The following CADM1 variants were observed in gnomAD, a reference collection of about 807,000 sequenced individuals.
CADM1 encodes the protein cell adhesion molecule 1.
A neutral mutation model predicts 53.1 loss-of-function variants in CADM1; 15 were observed. The ratio of observed to expected loss-of-function variants is 0.28; its 90% CI spans 0.19 to 0.44. The LOEUF (loss-of-function observed/expected upper bound fraction) is 0.44, where lower values mean the gene tolerates loss of function less well. CADM1 is among the 20% of genes least tolerant of loss of function. The pLI is 1.00. For synonymous variants in CADM1, 281 were observed against 243.0 expected, an observed-to-expected ratio of 1.16 and a Z score of -1.45; for missense variants, 434 against 611.3, an observed-to-expected ratio of 0.71 and a Z score of 3.06.
intron 1 of CADM1, among the ~76,000 whole-genome samples, chr11:115,334,990 A>T (rs922466217): frequency 6.6e-6 from 1 of 152,102 alleles, no homozygotes; most frequent in African/African-American, 2.4e-5. Flanking sequence ...CTGAACTTAT[A>T]TCTTTCTCTT....
intron 10 of CADM1, among the ~76,000 whole-genome samples, chr11:115,184,899 T>C (rs1939473919): frequency 1.3e-5 from 2 of 152,172 alleles, no homozygotes; most frequent in African/African-American, 4.8e-5. Context: ...ACTGGCTACA[T>C]TGCTTTCCAG....
At chr11:115,268,834 G>A (rs997433158) in intron 1 of CADM1, among the ~76,000 whole-genome samples, 2 of 152,154 alleles carry the variant, frequency 1.3e-5, no homozygotes, top group Admixed American at 6.5e-5. Flanking sequence ...CTTGTACAGA[G>A]TACAAGGAAT....
chr11:115,302,993 C>T (rs1944271781), intron 1 of CADM1, among the ~76,000 whole-genome samples: 1 of 152,058 alleles, frequency 6.6e-6, no homozygotes, highest in South Asian at 2.1e-4. Context: ...TGCTGCTAGA[C>T]ATGAAAACAA....
chr11:115,238,609 A>G lies in CADM1; in HGVS notation c.315T>C (p.Ser105=). The G allele has an allele frequency of 6.2e-7, 1 of 1,613,830 alleles. No individual in the cohort carries two copies. The highest frequency in any genetic ancestry group is 1.1e-5 in the South Asian group (1 of 91,082). Residue 105 remains serine, a synonymous_variant, in exon 3 of 12, where the codon AGT becomes AGC. Transcript: ENST00000331581. ...SRFQLLNFSS[S]ELKVSLTNVS... ...CGTTTGTCAATGATACTTTGAGTTCACTGCTAGAAAAATTCAGCAACTGAA... is the reference window on the plus strand; with the variant it reads ...CGTTTGTCAATGATACTTTGAGTTCGCTGCTAGAAAAATTCAGCAACTGAA...
intron 1 of CADM1, among the ~76,000 whole-genome samples, chr11:115,271,887 T>C (rs1943309216): frequency 6.6e-6 from 1 of 152,206 alleles, no homozygotes; most frequent in South Asian, 2.1e-4. Flanking sequence ...CATCTTTAAT[T>C]AGTCTCAATA....
chr11:115,349,355 A>G (rs1402328008), intron 1 of CADM1, among the ~76,000 whole-genome samples: 1 of 152,214 alleles, frequency 6.6e-6, no homozygotes, highest in African/African-American at 2.4e-5. Context: ...TTATTACAGG[A>G]AAGTATTTCT....
intron 1 of CADM1, among the ~76,000 whole-genome samples, chr11:115,249,083 G>A (rs1387233615): frequency 2.0e-5 from 3 of 152,040 alleles, no homozygotes; most frequent in African/African-American, 7.2e-5. Flanking sequence ...CTCGTTTATG[G>A]CAAAAAAAGA....
chr11:115,284,033 C>T lies in CADM1; in HGVS notation c.125-43613G>A, dbSNP rs1318903603. Among the ~76,000 whole-genome samples the T allele has an allele frequency of 4.0e-5, 6 of 149,798 alleles. No homozygotes were observed. In the Admixed American group the frequency reaches 4.0e-4, roughly 10 times the overall value. ...GTAAAATTATTGAGGCTGAAAGTGGCGTTCCAGGCAGGGGGGCCTGTGAGA... is the reference window on the plus strand; with the variant it reads ...GTAAAATTATTGAGGCTGAAAGTGGTGTTCCAGGCAGGGGGGCCTGTGAGA... On this transcript the variant is annotated intron_variant, in intron 1 of 11. Coordinates refer to ENST00000331581, the MANE Select transcript of CADM1 (RefSeq NM_001301043.2).
intron 1 of CADM1, among the ~76,000 whole-genome samples, chr11:115,501,086 C>A (rs2135446657): frequency 6.6e-6 from 1 of 152,252 alleles, no homozygotes; most frequent in African/African-American, 2.4e-5. Context: ...TTGTTCATTT[C>A]AAAAGATTGC....
intron 1 of CADM1, among the ~76,000 whole-genome samples, chr11:115,391,487 C>A (rs1374967344): frequency 1.3e-5 from 2 of 151,952 alleles, no homozygotes; most frequent in Non-Finnish European, 2.9e-5. Context: ...GCAACAGAAT[C>A]AAATTCTAAA....
intron 1 of CADM1, among the ~76,000 whole-genome samples, chr11:115,341,812 A>G (rs753252463): frequency 6.6e-5 from 10 of 152,106 alleles, no homozygotes; most frequent in Non-Finnish European, 1.3e-4. Context: ...CTTCCCCTTA[A>G]CCTTCTGGAG....
At chr11:115,451,633 T>C (rs999654819) in intron 1 of CADM1, among the ~76,000 whole-genome samples, 2 of 152,226 alleles carry the variant, frequency 1.3e-5, no homozygotes, top group Admixed American at 1.3e-4. Context: ...ACAGGTATAG[T>C]GTAGTCATTG....
At chr11:115,230,070 G>A (rs1174505554) in intron 4 of CADM1, among the ~76,000 whole-genome samples, 6 of 152,122 alleles carry the variant, frequency 3.9e-5, no homozygotes, top group Admixed American at 3.9e-4. Flanking sequence ...GTACTTATCG[G>A]TACACATTTA....
chr11:115,225,133 C>G (rs1190090835), intron 5 of CADM1, among the ~76,000 whole-genome samples: 1 of 152,144 alleles, frequency 6.6e-6, no homozygotes, highest in Non-Finnish European at 1.5e-5. Context: ...AGCTAGAAAA[C>G]TAAGAGACCT....
At chr11:115,459,194 G>A (rs943174743) in intron 1 of CADM1, among the ~76,000 whole-genome samples, 4 of 152,066 alleles carry the variant, frequency 2.6e-5, no homozygotes, top group Non-Finnish European at 5.9e-5. Context: ...TCTGTATTCC[G>A]GTCAGTGATC....
intron 1 of CADM1, among the ~76,000 whole-genome samples, chr11:115,323,749 A>G (rs912897844): frequency 7.2e-5 from 11 of 152,170 alleles, no homozygotes; most frequent in Non-Finnish European, 2.9e-5. Flanking sequence ...TTCCTAGGAC[A>G]GTGGATGATT....
chr11:115,268,535 A>G (rs965953007), intron 1 of CADM1, among the ~76,000 whole-genome samples: 3 of 152,212 alleles, frequency 2.0e-5, no homozygotes, highest in African/African-American at 7.2e-5. Context: ...TGCTCAATAA[A>G]AAAAGCCACA....
At chr11:115,434,545 G>C (rs1289893918) in intron 1 of CADM1, among the ~76,000 whole-genome samples, 1 of 152,108 alleles carries the variant, frequency 6.6e-6, no homozygotes, top group African/African-American at 2.4e-5. Context: ...ACCAGGACTG[G>C]TTTCTTTTAT....
At chr11:115,218,248 A>G (rs1941269010) in intron 5 of CADM1, 2 of 458,924 alleles carry the variant, frequency 4.4e-6, no homozygotes, top group Non-Finnish European at 4.1e-6. Flanking sequence ...TGTGAAATAC[A>G]TTTTGTTACA....
Sources: allele counts gnomAD v4.1 joint callset (sites outside exome capture counted in the v4.1 genomes callset), GRCh38; gene constraint gnomAD v4.1.1; transcripts MANE v1.5; gene names NCBI Gene and HGNC (gene_info 2026-07-23, HGNC 2026-07-21).